GP6: variants seen among roughly 807,000 people sequenced by gnomAD.
The protein encoded by GP6 is glycoprotein VI platelet, also known as platelet glycoprotein VI.
GP6 carries 45 observed loss-of-function variants against 37.3 expected under a neutral mutation model. The observed-to-expected ratio is 1.21, with a 90% CI of 0.95 to 1.55. The LOEUF is 1.55. Ranked by LOEUF, GP6 falls within the 40% of genes most tolerant of loss-of-function variation. The probability of loss-of-function intolerance (pLI) is 0.00; values close to 1 mark genes in which losing one functional copy is unlikely to be tolerated. For synonymous variants in GP6, 340 were observed against 316.4 expected, an observed-to-expected ratio of 1.07 and a Z score of -0.79; for missense variants, 813 against 760.2, an observed-to-expected ratio of 1.07 and a Z score of -0.82.
At chr19:55,019,192 ACCT>A (rs1382348061) in intron 5 of GP6, among the ~76,000 whole-genome samples, 2 of 135,636 alleles carry the variant, frequency 1.5e-5, no homozygotes, top group African/African-American at 5.4e-5. Flanking sequence ...TGCAACCTCC[ACCT>A]CCTGGGTTCA....
At chr19:55,021,237 G>A (rs778075161) in intron 5 of GP6, among the ~76,000 whole-genome samples, 25 of 147,760 alleles carry the variant, frequency 1.7e-4, no homozygotes, top group East Asian at 2.0e-4. Flanking sequence ...GGTGGCAGGC[G>A]CCTGTAGTCC....
At chr19:55,033,008 C>T (rs1287305725) in intron 1 of GP6, 1 of 201,794 alleles carries the variant, frequency 5.0e-6, no homozygotes, top group African/African-American at 2.9e-5. Context: ...TCGTGTTAGA[C>T]GCGGTGGACT....
chr19:55,014,777 A>C lies in GP6; in HGVS notation c.1168T>G (p.Ser390Ala), dbSNP rs750681822. The change falls in exon 8 of 8, where the codon TCC (serine) becomes GCC (alanine). Residue 390 changes from serine (S) to alanine (A), a missense_variant. Physicochemically the swap from Ser to Ala is moderately conservative, Grantham distance 99. Coordinates refer to ENST00000310373, the MANE Select transcript of GP6 (RefSeq NM_001083899.2). ...CACTGGCCGAACGGCTCCCTGATGG[A>C]ACACCAGGAGGAGGCAGCATGGCCT... 1 of 1,613,746 alleles carries C rather than the reference A, an allele frequency of 6.2e-7. No individual in the cohort carries two copies. Among genetic ancestry groups the C allele is most frequent in the Non-Finnish European group, 8.5e-7 (1 of 1,179,810 alleles).
chr19:55,028,379 A>G (rs1469309994), intron 3 of GP6, among the ~76,000 whole-genome samples: 2 of 152,152 alleles, frequency 1.3e-5, no homozygotes, highest in Non-Finnish European at 2.9e-5. Flanking sequence ...TGGAGTCCTC[A>G]CTCTTAATGT....
intron 3 of GP6, 31 bp from the exon 4 acceptor site, chr19:55,027,893 G>T (rs751083645): frequency 1.9e-6 from 3 of 1,610,656 alleles, no homozygotes; most frequent in South Asian, 2.2e-5. Flanking sequence ...GATGTTGAAG[G>T]CAGGAGCCAG....
chr19:55,017,460 G>A (rs1012614965), intron 6 of GP6, among the ~76,000 whole-genome samples: 1 of 152,122 alleles, frequency 6.6e-6, no homozygotes, highest in Non-Finnish European at 1.5e-5. Context: ...AGCGAGAGCA[G>A]AGGAAACCAT....
chr19:55,035,127 C>T (rs770714098), intron 1 of GP6, among the ~76,000 whole-genome samples: 11 of 152,194 alleles, frequency 7.2e-5, no homozygotes, highest in Non-Finnish European at 1.5e-4. Flanking sequence ...TATCAGTCCC[C>T]TCTTATACAT....
chr19:55,017,014 C>G (rs1654414), intron 6 of GP6, among the ~76,000 whole-genome samples: 115,723 of 151,698 alleles, frequency 0.76, 45,098 homozygotes, highest in Middle Eastern at 0.85. Context: ...ACAGAGTGAG[C>G]AGAGTGAGAC....
intron 1 of GP6, among the ~76,000 whole-genome samples, chr19:55,033,541 G>T (rs546386314): frequency 1.3e-5 from 2 of 151,418 alleles, no homozygotes; most frequent in African/African-American, 4.9e-5. Context: ...TGTTAGACAC[G>T]GTGGGCTCGT....
At chr19:55,015,905 A>C (rs2073856795) in intron 6 of GP6, among the ~76,000 whole-genome samples, 172 bp from the exon 7 acceptor site, 1 of 152,152 alleles carries the variant, frequency 6.6e-6, no homozygotes, top group Non-Finnish European at 1.5e-5. Flanking sequence ...TGGGAGGCTG[A>C]GGTAGGAGGC....
intron 6 of GP6, among the ~76,000 whole-genome samples, chr19:55,018,046 C>T (rs577213012): frequency 1.6e-4 from 24 of 149,700 alleles, no homozygotes; most frequent in Admixed American, 1.2e-3. Flanking sequence ...CCAGCCTGGG[C>T]GACAGAGCAA....
chr19:55,023,974 G>A (rs1273492785), intron 5 of GP6, among the ~76,000 whole-genome samples: 1 of 144,950 alleles, frequency 6.9e-6, no homozygotes, highest in Non-Finnish European at 1.5e-5. Flanking sequence ...ATATAAAAGG[G>A]TAGCCCAAGG....
chr19:55,016,425 G>C (rs1232886003), intron 6 of GP6, among the ~76,000 whole-genome samples: 2 of 147,804 alleles, frequency 1.4e-5, no homozygotes, highest in Admixed American at 6.8e-5. Flanking sequence ...TCCCAGGCTG[G>C]AGTGCAGTGG....
intron 5 of GP6, among the ~76,000 whole-genome samples, chr19:55,022,822 AAGG>A (rs1264359520): frequency 6.6e-6 from 1 of 152,250 alleles, no homozygotes; most frequent in Non-Finnish European, 1.5e-5. Flanking sequence ...GGACATCTTC[AAGG>A]AGAACTACAA....
rs2146726613 is a variant in GP6 at position 55,018,699 on chromosome 19, G to T, written c.677C>A (p.Ala226Asp). ...GAATGAGACGGTCAGTTCAGCGGTGGCTTCTGAGAATTCTAAGAAAGCAAA... is the reference window on the plus strand; with the variant it reads ...GAATGAGACGGTCAGTTCAGCGGTGTCTTCTGAGAATTCTAAGAAAGCAAA... Residue 226 changes from alanine to aspartate, a missense_variant, in exon 6 of 8, where the codon GCC (alanine) becomes GAC (aspartate). Transcript: ENST00000310373. 2 of 1,607,746 alleles carry T rather than the reference G, an allele frequency of 1.2e-6. No homozygotes were observed. The highest frequency in any genetic ancestry group is 4.5e-5 in the East Asian group (2 of 44,868).
At chr19:55,024,299 T>TGC (rs1568612702) in intron 5 of GP6, among the ~76,000 whole-genome samples, 8 of 43,260 alleles carry the variant, frequency 1.8e-4, no homozygotes, top group Non-Finnish European at 3.8e-4. Flanking sequence ...TATGCACGCA[T>TGC]GCACACACAT....
At chr19:55,037,396 G>A (rs1222220234) in intron 1 of GP6, among the ~76,000 whole-genome samples, 1 of 149,992 alleles carries the variant, frequency 6.7e-6, no homozygotes, top group Non-Finnish European at 1.5e-5. Context: ...AGAGTGCAAT[G>A]GTGTGATCTT....
In GP6 at chr19:55,027,562, T is replaced by C. The variant is rs2074351432; in HGVS notation, c.610+16A>G. ...TAAAGGCTGAGGAAGAAAGGTTTGG[T>C]CTGCACTACCCCTACCTGTGACCAC... On this transcript the variant is annotated intron_variant, in intron 4 of 7. Transcript: ENST00000310373. 4 of 1,606,910 alleles carry C rather than the reference T, an allele frequency of 2.5e-6. No individual in the cohort carries two copies. The East Asian group carries it at 8.9e-5, about 36-fold the overall frequency.
chr19:55,021,710 C>T (rs992716987), intron 5 of GP6, among the ~76,000 whole-genome samples: 3 of 151,840 alleles, frequency 2.0e-5, no homozygotes, highest in African/African-American at 4.8e-5. Context: ...TTAATAGAGA[C>T]GGGGTTTCAC....
Sources: gnomAD v4.1 joint callset for allele counts (sites outside exome capture counted in the v4.1 genomes callset) on GRCh38, gnomAD v4.1.1 for gene constraint, MANE v1.5 for transcripts, NCBI Gene and HGNC (gene_info 2026-07-23, HGNC 2026-07-21) for gene names.